Variants in CABIN1 observed in about 807,000 individuals in gnomAD.
CABIN1 encodes calcineurin binding protein 1.
A neutral mutation model predicts 227.7 loss-of-function variants in CABIN1; 133 were observed. That is an observed-to-expected ratio of 0.58 (90% CI 0.51 to 0.67). The LOEUF (loss-of-function observed/expected upper bound fraction) is 0.67. Ranked by LOEUF, CABIN1 falls within the 30% of genes least tolerant of loss-of-function variation. The probability of loss-of-function intolerance (pLI) is 0.00; values close to 1 mark genes in which losing one functional copy is unlikely to be tolerated. For missense variants in CABIN1, 2,408 were observed against 2,852.5 expected (o/e 0.84, Z 3.55); for synonymous variants, 1,086 against 1,155.1 (o/e 0.94, Z 1.21).
chr22:24,146,653 TCA>T (rs1458441281), intron 29 of CABIN1, among the ~76,000 whole-genome samples: 2 of 152,228 alleles, frequency 1.3e-5, no homozygotes, highest in African/African-American at 4.8e-5. Context: ...CCACCTGCAT[TCA>T]CAGTTAGAAT....
Position 24,098,184 on chromosome 22 carries a change from C to T in CABIN1, c.4109C>T (p.Thr1370Met), listed in dbSNP as rs761243312. 6.2e-7 allele frequency: 1 copy of T among 1,614,134 alleles called. No individual in the cohort carries two copies. Among genetic ancestry groups the T allele is most frequent in the Non-Finnish European group, 8.5e-7 (1 of 1,180,028 alleles). Residue 1370 changes from threonine (T) to methionine (M), a missense_variant, in exon 26 of 37, where the codon ACG (threonine) becomes ATG (methionine). Physicochemically the swap from Thr to Met is moderately conservative, Grantham distance 81. Coordinates refer to ENST00000263119, the MANE Select transcript of CABIN1 (RefSeq NM_012295.4). ...TGTAAAAAACCCCACCAGCAGGCAA[C>T]GCCGGACGGTACAGTCCCTGTTCTC... ...VKCKKPHQQA[T>M]PDDRSQDSTA...
At chr22:24,093,148 A>G (rs1272344603) in intron 24 of CABIN1, among the ~76,000 whole-genome samples, 1 of 152,244 alleles carries the variant, frequency 6.6e-6, no homozygotes, top group African/African-American at 2.4e-5. Context: ...CTGATCAACA[A>G]TGGCTACTTG....
chr22:24,122,561 AT>A (rs1484638680), intron 28 of CABIN1, among the ~76,000 whole-genome samples: 1 of 152,166 alleles, frequency 6.6e-6, no homozygotes. Context: ...TACAAAAATT[AT>A]CCAGGCGTGA....
chr22:24,013,648 A>G (rs944859113), intron 1 of CABIN1, among the ~76,000 whole-genome samples: 6 of 152,348 alleles, frequency 3.9e-5, no homozygotes, highest in Non-Finnish European at 5.9e-5. Flanking sequence ...TTGGTACAGT[A>G]TTATTAACTA....
chr22:24,163,509 G>A (rs1037176482), intron 29 of CABIN1, among the ~76,000 whole-genome samples: 8 of 152,176 alleles, frequency 5.3e-5, no homozygotes, highest in Non-Finnish European at 2.9e-5. Context: ...AGAAAGCAAT[G>A]TCACTCATAA....
At chr22:24,079,652 A>G (rs1430513498) in intron 19 of CABIN1, among the ~76,000 whole-genome samples, 1 of 152,204 alleles carries the variant, frequency 6.6e-6, no homozygotes, top group Non-Finnish European at 1.5e-5. Flanking sequence ...TATAATTATT[A>G]GTGAGATTGA....
rs781680282 is a variant in CABIN1, at chr22:24,091,850, C to A, written c.3786+7C>A. On this transcript the variant is annotated splice_region_variant and intron_variant, in intron 24 of 36. Transcript: ENST00000263119. ...GGCCATGGAGGCCCTGGAGGTGACA[C>A]CATGCTGGCCCAGGGCGGGGAAGCA... 26 of 1,612,282 alleles carry A rather than the reference C, an allele frequency of 1.6e-5. No individual in the cohort carries two copies. The highest frequency in any genetic ancestry group is 2.2e-5 in the Non-Finnish European group (26 of 1,178,738).
rs942642495 is a variant in CABIN1 at position 24,042,777 on chromosome 22, C to A, written c.346-127C>A. On this transcript the variant is annotated intron_variant, in intron 5 of 36. Coordinates refer to ENST00000263119, the MANE Select transcript of CABIN1 (RefSeq NM_012295.4). ...TTCAAGTGGCTGTGCCAGTGCCGTG[C>A]TCCTCCCGTCCCCGGGGTGCATATT... 9.1e-6 allele frequency: 8 copies of A among 874,536 alleles called. No individual in the cohort carries two copies. In the African/African-American group the frequency reaches 1.4e-4, roughly 15 times the overall value. 54.2% of individuals were successfully genotyped at this position (874,536 alleles called of 1,614,324 possible).
chr22:24,048,660 A>G (rs1237282474), intron 6 of CABIN1, among the ~76,000 whole-genome samples: 1 of 152,184 alleles, frequency 6.6e-6, no homozygotes, highest in Non-Finnish European at 1.5e-5. Context: ...GGCTCAAGCA[A>G]TCTGCCCAAC....
chr22:24,072,758 T>C (rs1208234970), intron 18 of CABIN1, among the ~76,000 whole-genome samples: 2 of 152,294 alleles, frequency 1.3e-5, no homozygotes, highest in African/African-American at 2.4e-5. Context: ...GATGGCAGCA[T>C]GGAGGGAGTG....
Position 24,166,702 on chromosome 22 carries a change from T to G in CABIN1, c.5071T>G (p.Ser1691Ala). 6.2e-7 allele frequency: 1 copy of G among 1,612,516 alleles called. No homozygotes were observed. Among genetic ancestry groups the G allele is most frequent in the Non-Finnish European group, 8.5e-7 (1 of 1,179,906 alleles). The change falls in exon 32 of 37, where the codon TCA becomes GCA. Residue 1691 changes from serine (S) to alanine (A), a missense_variant. Ser to Ala is a moderately conservative substitution (Grantham distance 99). This residue lies in a region of CABIN1 where 714 missense variants were observed against 773.8 expected (regional missense o/e 0.92). Transcript: ENST00000263119. Reference sequence around the variant, plus strand: ...CGGAGCCAGGATGACCACCGATGTCTCACACAAGGCCAGTCCTGAGGATGG... The same window carrying G: ...CGGAGCCAGGATGACCACCGATGTCGCACACAAGGCCAGTCCTGAGGATGG... ...LPGARMTTDV[S>A]HKASPEDGQE...
intron 34 of CABIN1, among the ~76,000 whole-genome samples, chr22:24,172,302 A>G (rs2046864212): frequency 6.6e-6 from 1 of 152,226 alleles, no homozygotes; most frequent in African/African-American, 2.4e-5. Flanking sequence ...TTTCCTCCCC[A>G]CAAAGCCTTA....
chr22:24,044,880 G>T (rs544737450), intron 6 of CABIN1, among the ~76,000 whole-genome samples: 1 of 150,570 alleles, frequency 6.6e-6, no homozygotes. Context: ...GATGGAAGCC[G>T]TCTCTGTACC....
chr22:24,083,466 A>G (rs915827424), intron 20 of CABIN1, 77 bp downstream of exon 20: 11 of 1,531,426 alleles, frequency 7.2e-6, no homozygotes, highest in South Asian at 1.1e-5. Flanking sequence ...ATATTTGTCA[A>G]CAGTCATCTT....
At position 24,050,903 on chromosome 22, in the gene CABIN1, A is replaced by G; in HGVS notation, c.735A>G (p.Lys245=). 1 of 1,614,210 alleles carries G rather than the reference A, an allele frequency of 6.2e-7. No homozygotes were observed. The highest frequency in any genetic ancestry group is 8.5e-7 in the Non-Finnish European group (1 of 1,180,042). Residue 245 remains lysine, a synonymous_variant, in exon 8 of 37, where the codon AAA becomes AAG. Coordinates refer to ENST00000263119, the MANE Select transcript of CABIN1 (RefSeq NM_012295.4). ...AIVDEALGLR[K]KRQALIVREK... is the part of the protein sequence containing the mutation. Reference sequence around the variant, plus strand: ...TAGATGAGGCCTTGGGGCTGCGAAAAAAGAGGCAAGCGCTGATTGTGCGGG... The same window carrying G: ...TAGATGAGGCCTTGGGGCTGCGAAAGAAGAGGCAAGCGCTGATTGTGCGGG...
At chr22:24,116,106 C>G (rs1481681149) in intron 27 of CABIN1, among the ~76,000 whole-genome samples, 1 of 152,182 alleles carries the variant, frequency 6.6e-6, no homozygotes, top group Non-Finnish European at 1.5e-5. Flanking sequence ...CTGGCCTTGA[C>G]CGAGGTGCCT....
chr22:24,101,609 G>A (rs537481574), intron 26 of CABIN1: 1 of 152,408 alleles, frequency 6.6e-6, no homozygotes, highest in East Asian at 1.9e-4. Flanking sequence ...TTTGTCCTCT[G>A]CTGTGCTGCT....
intron 31 of CABIN1, among the ~76,000 whole-genome samples, 180 bp from the exon 32 acceptor site, chr22:24,166,459 G>A (rs1001180495): frequency 2.6e-5 from 4 of 152,250 alleles, no homozygotes; most frequent in Non-Finnish European, 4.4e-5. Flanking sequence ...TCTCAGGCAG[G>A]TCTCTGGGCC....
At chr22:24,034,863 C>A (rs1479778421) in intron 1 of CABIN1, among the ~76,000 whole-genome samples, 1 of 152,182 alleles carries the variant, frequency 6.6e-6, no homozygotes, top group Non-Finnish European at 1.5e-5. Flanking sequence ...CCCTAAAACA[C>A]CCATTGATTC....
Sources: allele counts gnomAD v4.1 joint callset (sites outside exome capture counted in the v4.1 genomes callset), GRCh38; gene constraint gnomAD v4.1.1; regional missense constraint gnomAD v4.1.1; transcripts MANE v1.5; gene names NCBI Gene and HGNC (gene_info 2026-07-23, HGNC 2026-07-21).